Variants in PEAK1 observed in about 807,000 individuals in gnomAD.
The protein encoded by PEAK1 is inactive tyrosine-protein kinase PEAK1.
PEAK1 carries 54 observed loss-of-function variants against 124.7 expected under a neutral mutation model. The ratio of observed to expected loss-of-function variants is 0.43; its 90% CI spans 0.35 to 0.54. The LOEUF is 0.54. PEAK1 is among the 20% of genes least tolerant of loss of function. PEAK1 has a pLI of 0.01. For missense variants in PEAK1, 2,046 were observed against 2,134.5 expected (o/e 0.96, Z 0.82); for synonymous variants, 719 against 760.0 (o/e 0.95, Z 0.89).
chr15:77,157,425 G>A (rs543196199), intron 8 of PEAK1: 1 of 152,370 alleles, frequency 6.6e-6, no homozygotes, highest in South Asian at 2.1e-4. Context: ...TCAGAAGGAA[G>A]GAAAGTGTGT....
chr15:77,347,020 T>C (rs1179252596), intron 2 of PEAK1, among the ~76,000 whole-genome samples: 1 of 152,184 alleles, frequency 6.6e-6, no homozygotes, highest in African/African-American at 2.4e-5. Context: ...ACATTTAAGC[T>C]GAGACTTAAA....
At chr15:77,289,768 C>T (rs577170681) in intron 2 of PEAK1, among the ~76,000 whole-genome samples, 5 of 151,994 alleles carry the variant, frequency 3.3e-5, no homozygotes, top group Admixed American at 2.0e-4. Flanking sequence ...ACCCGGGAGG[C>T]GAAGGTTACA....
At chr15:77,363,971 G>A (rs2068061418) in intron 2 of PEAK1, among the ~76,000 whole-genome samples, 1 of 152,094 alleles carries the variant, frequency 6.6e-6, no homozygotes, top group South Asian at 2.1e-4. Flanking sequence ...GGCCGAGGTG[G>A]GAGGATCACT....
chr15:77,209,214 A>G (rs567222004), intron 6 of PEAK1, among the ~76,000 whole-genome samples: 11 of 152,338 alleles, frequency 7.2e-5, no homozygotes, highest in African/African-American at 1.2e-4. Flanking sequence ...TTTGTGACAT[A>G]TAAGAGAGGA....
intron 1 of PEAK1, among the ~76,000 whole-genome samples, chr15:77,401,134 A>C (rs576958353): frequency 6.6e-6 from 1 of 152,104 alleles, no homozygotes; most frequent in African/African-American, 2.4e-5. Context: ...CACTTTAAAA[A>C]CTCACATTCT....
downstream of PEAK1, chr15:77,106,341 A>AT (rs34655874): frequency 0.11 from 16,745 of 151,886 alleles, 985 homozygotes; most frequent in African/African-American, 0.15. Flanking sequence ...GTGTGCATTC[A>AT]TCTAAAGACA....
At chr15:77,235,403 G>A (rs1014040323) in intron 6 of PEAK1, among the ~76,000 whole-genome samples, 2 of 152,094 alleles carry the variant, frequency 1.3e-5, no homozygotes, top group African/African-American at 2.4e-5. Context: ...AGGCTGAGGT[G>A]GTCTCAGATA....
intron 6 of PEAK1, among the ~76,000 whole-genome samples, chr15:77,219,709 T>C (rs1022234883): frequency 2.6e-5 from 4 of 152,046 alleles, no homozygotes; most frequent in African/African-American, 9.7e-5. Flanking sequence ...TAAAATATCT[T>C]TTGATTGAGA....
chr15:77,120,636 G>T lies in PEAK1; in HGVS notation c.4078-5317C>A, dbSNP rs544383487. Reference sequence around the variant, plus strand: ...GACAACCACAAAAGCTTTCCAACTGGTCTGCCTGCCTCTAATGTGATCCCC... The same window carrying T: ...GACAACCACAAAAGCTTTCCAACTGTTCTGCCTGCCTCTAATGTGATCCCC... On this transcript the variant is annotated intron_variant, in intron 9 of 9. Transcript: ENST00000682557. 4.6e-5 allele frequency among the ~76,000 whole-genome samples: 7 copies of T among 152,178 alleles called. No homozygotes were observed. The East Asian group carries it at 1.3e-3, about 29-fold the overall frequency.
At chr15:77,384,074 T>C (rs1002796418) in intron 1 of PEAK1, among the ~76,000 whole-genome samples, 8 of 152,140 alleles carry the variant, frequency 5.3e-5, no homozygotes, top group African/African-American at 1.9e-4. Flanking sequence ...CTAATTGTAA[T>C]ACAGTGGGGT....
At chr15:77,294,233 A>G (rs11072649) in intron 2 of PEAK1, among the ~76,000 whole-genome samples, 2 of 152,174 alleles carry the variant, frequency 1.3e-5, no homozygotes, top group Admixed American at 1.3e-4. Context: ...TAGAACACAC[A>G]GGTACTTTGT....
chr15:77,387,186 C>CA (rs145767036), intron 1 of PEAK1, among the ~76,000 whole-genome samples: 1 of 152,168 alleles, frequency 6.6e-6, no homozygotes, highest in Admixed American at 6.5e-5. Context: ...ATCTTTTCTA[C>CA]AAAAACACTT....
At chr15:77,119,207 C>T (rs1017741596) in intron 9 of PEAK1, among the ~76,000 whole-genome samples, 2 of 152,198 alleles carry the variant, frequency 1.3e-5, no homozygotes, top group Non-Finnish European at 2.9e-5. Flanking sequence ...CAGTGACCCT[C>T]GCCCACTTGC....
intron 7 of PEAK1, 177 bp downstream of exon 7, chr15:77,178,613 A>C: frequency 1.5e-6 from 1 of 682,970 alleles, no homozygotes; most frequent in Admixed American, 2.9e-5. Context: ...TGTTCAGTGC[A>C]GTAAGATCAC....
chr15:77,276,317 A>C (rs942717118), intron 5 of PEAK1, among the ~76,000 whole-genome samples: 3 of 152,208 alleles, frequency 2.0e-5, no homozygotes, highest in African/African-American at 7.2e-5. Flanking sequence ...AAAACTGAAG[A>C]CACAGAAAAA....
At chr15:77,396,873 A>G (rs1397907041) in intron 1 of PEAK1, among the ~76,000 whole-genome samples, 3 of 152,202 alleles carry the variant, frequency 2.0e-5, no homozygotes, top group African/African-American at 7.2e-5. Context: ...TAATAGTTGG[A>G]AACTTCAGCA....
intron 2 of PEAK1, chr15:77,337,642 G>A: frequency 1.0e-6 from 1 of 985,378 alleles, no homozygotes; most frequent in Non-Finnish European, 1.2e-6. Flanking sequence ...CCATGAATGA[G>A]ATGAAATCTA....
chr15:77,100,926 T>A (rs1340444845), exon 7 of PEAK1: 3 of 152,186 alleles, frequency 2.0e-5, no homozygotes, highest in African/African-American at 7.2e-5. Flanking sequence ...TGAGGGGAGC[T>A]GAAATGAGGG....
rs1272420009 is a variant in PEAK1, at chr15:77,311,669, A to AC, written c.-602-25166dup. 5.4e-4 allele frequency among the ~76,000 whole-genome samples: 62 copies of AC among 115,440 alleles called. No individual in the cohort carries two copies. In the East Asian group the frequency reaches 8.1e-3, roughly 15 times the overall value. The allele number at this position is 115,440 out of a possible 152,430, so 75.7% of individuals were successfully genotyped here. On this transcript the variant is annotated intron_variant, in intron 2 of 9. Coordinates refer to ENST00000682557, the MANE Select transcript of PEAK1 (RefSeq NM_001385026.1). Reference sequence around the variant, plus strand: ...GCCTGGGAAACACAGCGAGATTCCAACCCCCCCAACCCCCACAAAAAAAAA... The same window carrying AC: ...GCCTGGGAAACACAGCGAGATTCCAACCCCCCCCAACCCCCACAAAAAAAAA...
Sources: gnomAD v4.1 joint callset for allele counts (sites outside exome capture counted in the v4.1 genomes callset) on GRCh38, gnomAD v4.1.1 for gene constraint, MANE v1.5 for transcripts, NCBI Gene and HGNC (gene_info 2026-07-23, HGNC 2026-07-21) for gene names.